ANKRD26: variants seen among roughly 807,000 people sequenced by gnomAD.
The protein encoded by ANKRD26 is ankyrin repeat domain 26.
A neutral mutation model predicts 208.7 loss-of-function variants in ANKRD26; 141 were observed. The observed-to-expected ratio is 0.68, with a 90% CI of 0.59 to 0.78. ANKRD26 has a LOEUF of 0.78. ANKRD26 is among the 30% of genes least tolerant of loss of function. The pLI is 0.00. For missense variants in ANKRD26, 1,889 were observed against 1,938.7 expected (o/e 0.97, Z 0.48); for synonymous variants, 636 against 660.4 (o/e 0.96, Z 0.57).
At chr10:27,089,896 CTAAAATTACCTG>C (rs1486245071) in intron 4 of ANKRD26, among the ~76,000 whole-genome samples, 3 of 115,788 alleles carry the variant, frequency 2.6e-5, no homozygotes, top group Non-Finnish European at 5.7e-5. Flanking sequence ...CACTGCCATT[CTAAAATTACCTG>C]ACCCAAACTA....
chr10:27,084,733 G>A (rs1035934470), intron 5 of ANKRD26, among the ~76,000 whole-genome samples: 48 of 152,002 alleles, frequency 3.2e-4, no homozygotes, highest in Admixed American at 5.2e-4. Flanking sequence ...GCTGGGCATG[G>A]TGGCGGGCAC....
At chr10:27,079,007 A>T (rs2055804087) in intron 7 of ANKRD26, 82 bp downstream of exon 7, 1 of 1,160,868 alleles carries the variant, frequency 8.6e-7, no homozygotes, top group Admixed American at 1.7e-5. Context: ...AATGATAAGT[A>T]GACCACTGCA....
chr10:27,002,613 C>A (rs75500857), downstream of ANKRD26, among the ~76,000 whole-genome samples: 14,464 of 152,184 alleles, frequency 0.095, 2,220 homozygotes, highest in African/African-American at 0.33. Flanking sequence ...TGACCCTGAA[C>A]TGGGATAAGC....
intron 5 of ANKRD26, among the ~76,000 whole-genome samples, chr10:26,994,837 G>C (rs1295067058): frequency 6.6e-6 from 1 of 152,154 alleles, no homozygotes; most frequent in Admixed American, 6.5e-5. Flanking sequence ...CAAATGCAGA[G>C]CAGCTGTCAG....
the ANKRD26 span, among the ~76,000 whole-genome samples, chr10:26,951,019 C>CTTTTCTTTTTTT: frequency 2.1e-5 from 1 of 48,582 alleles, no homozygotes; most frequent in Non-Finnish European, 5.5e-5. Context: ...TTTTCTTTTT[C>CTTTTCTTTTTTT]TTTTTTTTTT....
chr10:26,970,577 A>C (rs936129303), downstream of ANKRD26, among the ~76,000 whole-genome samples: 6 of 152,190 alleles, frequency 3.9e-5, no homozygotes, highest in Non-Finnish European at 8.8e-5. Context: ...CTTCCCATAC[A>C]GCCTGCAGAA....
chr10:27,026,203 G>T (rs1351291590), intron 27 of ANKRD26, among the ~76,000 whole-genome samples: 1 of 152,138 alleles, frequency 6.6e-6, no homozygotes, highest in Non-Finnish European at 1.5e-5. Context: ...TTAAATTTTT[G>T]ATTCACAGTG....
chr10:27,037,136 T>C (rs777700504), intron 23 of ANKRD26, 50 bp downstream of exon 23: 3 of 1,582,794 alleles, frequency 1.9e-6, no homozygotes, highest in Non-Finnish European at 2.6e-6. Context: ...TATACACATA[T>C]AAATACATAT....
intron 3 of ANKRD26, among the ~76,000 whole-genome samples, chr10:26,985,923 A>C (rs2052378669): frequency 6.6e-6 from 1 of 152,192 alleles, no homozygotes; most frequent in Non-Finnish European, 1.5e-5. Context: ...AATTGGAAAA[A>C]ACTACTTTAA....
At chr10:27,094,950 T>C (rs2056418996) in intron 1 of ANKRD26, among the ~76,000 whole-genome samples, 1 of 150,350 alleles carries the variant, frequency 6.7e-6, no homozygotes, top group African/African-American at 2.5e-5. Flanking sequence ...TAGTGAGCTG[T>C]GATTGTGCCA....
At chr10:26,961,140 C>T in the ANKRD26 span, among the ~76,000 whole-genome samples, 2 of 151,668 alleles carry the variant, frequency 1.3e-5, no homozygotes, top group Non-Finnish European at 2.9e-5. Context: ...TCGCTTGAAC[C>T]TGGGAGGCGG....
Position 27,033,837 on chromosome 10 carries a change from C to T in ANKRD26, c.3655-460G>A, listed in dbSNP as rs139568778. On this transcript the variant is annotated intron_variant, in intron 24 of 33. Transcript: ENST00000376087. ...TCCTATCTCAGAATACAGGTAAATTCCAATGGCCTTAGAGGCCCTAGGTAA... is the reference window on the plus strand; with the variant it reads ...TCCTATCTCAGAATACAGGTAAATTTCAATGGCCTTAGAGGCCCTAGGTAA... Among the ~76,000 whole-genome samples, 396 of 152,264 alleles carry T rather than the reference C, an allele frequency of 2.6e-3. 2 individuals carry two copies. Among genetic ancestry groups the T allele is most frequent in the Non-Finnish European group, 4.0e-3 (275 of 68,014 alleles).
At position 27,035,362 on chromosome 10, in the gene ANKRD26, G is replaced by C; in HGVS notation, c.3088C>G (p.Leu1030Val). The change falls in exon 24 of 34, where the codon CTA becomes GTA. Residue 1030 changes from leucine to valine, a missense_variant. Physicochemically the swap from Leu to Val is conservative, Grantham distance 32. Around this residue, in one of 3 missense-constraint regions of ANKRD26, gnomAD observed 1,272 missense variants for 1,273.8 expected, o/e 1.00. Transcript: ENST00000376087. ...CTTGCTCTCTGGAAAGCAAGTTCTA[G>C]TTCTCTTTTTGATGTCTCACTTTGA... The part of the protein sequence containing the change: ...RDQSETSKRE[L>V]ELAFQRARDE... The C allele has an allele frequency of 6.2e-7, 1 of 1,613,896 alleles. No individual in the cohort carries two copies. Among genetic ancestry groups the C allele is most frequent in the Non-Finnish European group, 8.5e-7 (1 of 1,179,932 alleles).
chr10:26,958,018 A>G, the ANKRD26 span, among the ~76,000 whole-genome samples: 1 of 151,562 alleles, frequency 6.6e-6, no homozygotes, highest in Non-Finnish European at 1.5e-5. Flanking sequence ...GGTTTGCTAC[A>G]TAGGTAAATG....
At chr10:27,007,564 G>A (rs2052934323) in intron 32 of ANKRD26, among the ~76,000 whole-genome samples, 1 of 152,182 alleles carries the variant, frequency 6.6e-6, no homozygotes, top group South Asian at 2.1e-4. Flanking sequence ...GCGGAGGCAG[G>A]AGAATTGCTT....
At chr10:27,095,824 C>T (rs1466186702) in intron 1 of ANKRD26, among the ~76,000 whole-genome samples, 2 of 152,168 alleles carry the variant, frequency 1.3e-5, no homozygotes, top group African/African-American at 2.4e-5. Context: ...ACTATGTTTT[C>T]ACCTGCAATT....
the ANKRD26 span, among the ~76,000 whole-genome samples, chr10:26,957,061 G>A: frequency 2.0e-5 from 3 of 152,226 alleles, no homozygotes; most frequent in Admixed American, 2.0e-4. Flanking sequence ...CTCATTCAGT[G>A]CACTTTTGGC....
chr10:27,019,668 C>A (rs575778427), intron 29 of ANKRD26, among the ~76,000 whole-genome samples: 2 of 151,932 alleles, frequency 1.3e-5, no homozygotes, highest in Admixed American at 6.6e-5. Flanking sequence ...ATAGCTCTTA[C>A]GTCTTTCTCC....
intron 11 of ANKRD26, chr10:27,066,189 T>A (rs997602532): frequency 3.0e-5 from 6 of 199,018 alleles, no homozygotes; most frequent in Admixed American, 6.0e-5. Flanking sequence ...AGTTTTTAGA[T>A]AAACTTAACT....
Sources: allele counts gnomAD v4.1 joint callset (sites outside exome capture counted in the v4.1 genomes callset), GRCh38; gene constraint gnomAD v4.1.1; regional missense constraint gnomAD v4.1.1; transcripts MANE v1.5; gene names NCBI Gene and HGNC (gene_info 2026-07-23, HGNC 2026-07-21).